The following TENM4 variants were observed in gnomAD, a reference collection of about 807,000 sequenced individuals.
TENM4 encodes the protein teneurin-4.
TENM4 carries 82 observed loss-of-function variants against 243.3 expected under a neutral mutation model. The ratio of observed to expected loss-of-function variants is 0.34; its 90% CI spans 0.28 to 0.40. TENM4 has a LOEUF of 0.40. Among genes scored for constraint, TENM4 ranks in the 10% least tolerant of loss-of-function variants. TENM4 has a pLI of 1.00. For synonymous variants in TENM4, 1,412 were observed against 1,456.3 expected (o/e 0.97, Z 0.69); for missense variants, 3,138 against 3,673.3 (o/e 0.85, Z 3.77).
intron 12 of TENM4, 35 bp downstream of exon 12, chr11:78,854,069 T>C (rs756954731): frequency 1.2e-4 from 189 of 1,534,000 alleles, no homozygotes; most frequent in Non-Finnish European, 1.6e-4. Flanking sequence ...AAAGAGACAA[T>C]ATCCCACAGC....
At chr11:78,773,393 A>G (rs867984461) in intron 17 of TENM4, among the ~76,000 whole-genome samples, 3 of 152,314 alleles carry the variant, frequency 2.0e-5, no homozygotes, top group African/African-American at 2.4e-5. Context: ...TAAGGTATGC[A>G]TGATGCACAA....
chr11:78,959,320 T>C (rs114774385), intron 6 of TENM4, among the ~76,000 whole-genome samples: 2,789 of 152,298 alleles, frequency 0.018, 79 homozygotes, highest in African/African-American at 0.055. Flanking sequence ...ACAATAAAGA[T>C]AATTCCATTA....
At chr11:79,007,817 G>A (rs920967417) in intron 6 of TENM4, among the ~76,000 whole-genome samples, 3 of 152,140 alleles carry the variant, frequency 2.0e-5, no homozygotes, top group Admixed American at 6.5e-5. Context: ...GTGGGAAGTT[G>A]GCTCTTTATC....
chr11:78,814,899 A>G (rs886831831), intron 12 of TENM4, among the ~76,000 whole-genome samples: 12 of 152,142 alleles, frequency 7.9e-5, no homozygotes, highest in African/African-American at 2.4e-4. Context: ...ACCGTCTCTC[A>G]CTGGAGCCAC....
chr11:79,202,904 A>G (rs1343073176), intron 3 of TENM4, among the ~76,000 whole-genome samples: 2 of 152,228 alleles, frequency 1.3e-5, no homozygotes, highest in Non-Finnish European at 2.9e-5. Context: ...TGCAAATGGC[A>G]TCCCACACTG....
chr11:79,056,768 G>T (rs1397004334), intron 6 of TENM4, among the ~76,000 whole-genome samples: 1 of 152,124 alleles, frequency 6.6e-6, no homozygotes, highest in Non-Finnish European at 1.5e-5. Flanking sequence ...CAAGGGATAT[G>T]GCTCATCACC....
chr11:78,661,556 G>C lies in TENM4; in HGVS notation c.7444C>G (p.Leu2482Val). Residue 2482 changes from leucine to valine, a missense_variant, in exon 33 of 34, where the codon CTA becomes GTA. Around this residue, in one of 2 missense-constraint regions of TENM4, gnomAD observed 2,467 missense variants for 3,059.1 expected, o/e 0.81. Transcript: ENST00000278550. Reference sequence around the variant, plus strand: ...GGATAACCAGGGATCACGTTGTGTAGCTGGAATCCAAAGGTGAGCAGCCAG... The same window carrying C: ...GGATAACCAGGGATCACGTTGTGTACCTGGAATCCAAAGGTGAGCAGCCAG... ...NSWLLTFGFQ[L>V]HNVIPGYPKP... The C allele has an allele frequency of 6.2e-7, 1 of 1,613,450 alleles. No homozygotes were observed. The highest frequency in any genetic ancestry group is 8.5e-7 in the Non-Finnish European group (1 of 1,179,746).
chr11:79,366,448 A>T (rs977845029), intron 1 of TENM4, among the ~76,000 whole-genome samples: 5 of 152,208 alleles, frequency 3.3e-5, no homozygotes, highest in Non-Finnish European at 7.3e-5. Context: ...AGAGTGATTC[A>T]CAGGTTTAAG....
intron 4 of TENM4, among the ~76,000 whole-genome samples, chr11:79,085,188 T>C (rs912069655): frequency 5.9e-5 from 9 of 151,378 alleles, no homozygotes; most frequent in Admixed American, 3.3e-4. Context: ...CTGGCTAACA[T>C]GGTGAAACCC....
At chr11:79,204,955 T>C (rs542235307) in intron 3 of TENM4, among the ~76,000 whole-genome samples, 8 of 152,302 alleles carry the variant, frequency 5.3e-5, no homozygotes, top group South Asian at 4.1e-4. Context: ...TACCAAACGA[T>C]AGCATCTATT....
At chr11:78,823,635 C>T (rs1857786663) in intron 12 of TENM4, among the ~76,000 whole-genome samples, 1 of 151,904 alleles carries the variant, frequency 6.6e-6, no homozygotes, top group Non-Finnish European at 1.5e-5. Flanking sequence ...GCAGCAAGAC[C>T]AGCAGTGAAG....
At chr11:78,918,924 T>G (rs2136378571) in intron 6 of TENM4, among the ~76,000 whole-genome samples, 1 of 152,332 alleles carries the variant, frequency 6.6e-6, no homozygotes, top group South Asian at 2.1e-4. Flanking sequence ...ATCCCAGCTC[T>G]GCCACTCACT....
chr11:79,284,499 T>C (rs2186576), intron 2 of TENM4, among the ~76,000 whole-genome samples: 6,485 of 152,260 alleles, frequency 0.043, 179 homozygotes, highest in African/African-American at 0.081. Context: ...AATATCCACA[T>C]GCGAAAGAAT....
intron 6 of TENM4, 48 bp downstream of exon 6, chr11:79,064,690 C>T (rs1860193725): frequency 3.2e-6 from 5 of 1,547,668 alleles, no homozygotes; most frequent in Non-Finnish European, 4.4e-6. Flanking sequence ...AAATAAAACC[C>T]CAGCCCCACC....
At chr11:78,839,591 C>T (rs542607981) in intron 12 of TENM4, among the ~76,000 whole-genome samples, 45 of 151,980 alleles carry the variant, frequency 3.0e-4, no homozygotes, top group Admixed American at 2.6e-3. Flanking sequence ...TCACAAATAA[C>T]GATGACTTTT....
intron 12 of TENM4, among the ~76,000 whole-genome samples, chr11:78,839,345 T>C (rs1858197803): frequency 6.6e-6 from 1 of 152,314 alleles, no homozygotes; most frequent in South Asian, 2.1e-4. Flanking sequence ...ATTTTGCAGT[T>C]TTTGTCACAC....
chr11:79,069,983 T>A lies in TENM4; in HGVS notation c.-39A>T, dbSNP rs1172652571. The A allele has an allele frequency of 1.3e-6, 2 of 1,536,102 alleles. No homozygotes were observed. Among genetic ancestry groups the A allele is most frequent in the Admixed American group, 4.0e-5 (2 of 50,472 alleles). On this transcript the variant is annotated 5_prime_UTR_variant, in exon 5 of 34. Coordinates refer to ENST00000278550, the MANE Select transcript of TENM4 (RefSeq NM_001098816.3). ...CGCTCCTCCACATCCACAAACAGGGTCCTCGCCGCACTCAGGGCCGAGTGG... is the reference window on the plus strand; with the variant it reads ...CGCTCCTCCACATCCACAAACAGGGACCTCGCCGCACTCAGGGCCGAGTGG...
At chr11:78,821,747 G>A (rs774012897) in intron 12 of TENM4, among the ~76,000 whole-genome samples, 9 of 152,288 alleles carry the variant, frequency 5.9e-5, no homozygotes, top group South Asian at 2.1e-4. Flanking sequence ...TATCTGAAAC[G>A]TAATCAGGTG....
chr11:78,992,686 TA>T (rs1858075880), intron 6 of TENM4, among the ~76,000 whole-genome samples: 1 of 152,200 alleles, frequency 6.6e-6, no homozygotes, highest in African/African-American at 2.4e-5. Flanking sequence ...AATATATGAT[TA>T]AGAAATAGGT....
Sources: gnomAD v4.1 joint callset for allele counts (sites outside exome capture counted in the v4.1 genomes callset) on GRCh38, gnomAD v4.1.1 for gene constraint, gnomAD v4.1.1 regional missense constraint, MANE v1.5 for transcripts, NCBI Gene and HGNC (gene_info 2026-07-23, HGNC 2026-07-21) for gene names.